Variants in IQGAP2 observed in about 807,000 individuals in gnomAD.
The protein encoded by IQGAP2 is IQ motif containing GTPase activating protein 2.
IQGAP2 carries 173 observed loss-of-function variants against 201.3 expected under a neutral mutation model. The observed-to-expected ratio is 0.86, with a 90% CI of 0.76 to 0.98. The LOEUF (loss-of-function observed/expected upper bound fraction) is 0.98, where lower values mean the gene tolerates loss of function less well. Ranked by LOEUF, IQGAP2 falls within the 50% of genes least tolerant of loss-of-function variation. IQGAP2 has a pLI of 0.00. For synonymous variants in IQGAP2, 675 were observed against 673.9 expected (o/e 1.00, Z -0.03); for missense variants, 1,687 against 1,864.8 (o/e 0.90, Z 1.76).
chr5:76,642,983 A>C (rs1035681103), intron 17 of IQGAP2, among the ~76,000 whole-genome samples: 1 of 152,220 alleles, frequency 6.6e-6, no homozygotes, highest in Non-Finnish European at 1.5e-5. Flanking sequence ...ATTTTTGAGC[A>C]GTTAGAAGTC....
At chr5:76,440,811 A>G (rs1752980579) in intron 1 of IQGAP2, among the ~76,000 whole-genome samples, 2 of 152,056 alleles carry the variant, frequency 1.3e-5, no homozygotes, top group African/African-American at 4.8e-5. Flanking sequence ...AGGCGGACGG[A>G]TCATGAAGTC....
intron 1 of IQGAP2, among the ~76,000 whole-genome samples, chr5:76,445,300 G>A (rs1307722770): frequency 6.6e-6 from 1 of 152,084 alleles, no homozygotes; most frequent in Non-Finnish European, 1.5e-5. Flanking sequence ...GAGTGACTCT[G>A]GACCAGGATA....
At chr5:76,503,982 C>T (rs1184964135) in intron 2 of IQGAP2, among the ~76,000 whole-genome samples, 2 of 152,158 alleles carry the variant, frequency 1.3e-5, no homozygotes, top group African/African-American at 4.8e-5. Flanking sequence ...CAGTATCTAC[C>T]TAGAATCTTG....
rs114149445 is a variant in IQGAP2, at chr5:76,625,137, C to T, written c.1522-2273C>T. 4.5e-3 allele frequency among the ~76,000 whole-genome samples: 679 copies of T among 152,300 alleles called. 6 individuals are homozygous for T. The highest frequency in any genetic ancestry group is 0.016 in the African/African-American group (645 of 41,570). Reference sequence around the variant, plus strand: ...TGGTTTTACATTTAACTCTAGTAATCGTTAGTTCAATGTTTCATAATTTAA... The same window carrying T: ...TGGTTTTACATTTAACTCTAGTAATTGTTAGTTCAATGTTTCATAATTTAA... On this transcript the variant is annotated intron_variant, in intron 13 of 35. Transcript: ENST00000274364.
intron 2 of IQGAP2, among the ~76,000 whole-genome samples, chr5:76,549,177 T>C (rs1743281552): frequency 6.6e-6 from 1 of 152,188 alleles, no homozygotes; most frequent in Admixed American, 6.5e-5. Context: ...TCTAGTGCTT[T>C]TCTCCTATTA....
At chr5:76,696,628 C>A (rs375941432) in intron 32 of IQGAP2, among the ~76,000 whole-genome samples, 2 of 151,924 alleles carry the variant, frequency 1.3e-5, no homozygotes, top group African/African-American at 4.8e-5. Context: ...ATGCGCTCAG[C>A]TTTGTTCTTT....
intron 28 of IQGAP2, among the ~76,000 whole-genome samples, chr5:76,681,284 A>G (rs1312555784): frequency 1.3e-5 from 2 of 152,194 alleles, no homozygotes; most frequent in Admixed American, 1.3e-4. Flanking sequence ...GAGTGAAAAG[A>G]TAATGTATGG....
At position 76,707,892 on chromosome 5, in the gene IQGAP2, C is replaced by T. The variant is rs931306232; in HGVS notation, c.*579C>T. The T allele has an allele frequency of 6.6e-6, 1 of 152,580 alleles. No homozygotes were observed. Among genetic ancestry groups the T allele is most frequent in the Non-Finnish European group, 1.5e-5 (1 of 68,072 alleles). The allele number at this position is 152,580 out of a possible 1,614,324, so 9.5% of individuals were successfully genotyped here. On this transcript the variant is annotated 3_prime_UTR_variant, in exon 36 of 36. Coordinates refer to ENST00000274364, the MANE Select transcript of IQGAP2 (RefSeq NM_006633.5). ...AGTATATATTTTATGTGATTTATTC[C>T]TACTAAATGAAAGTGCACTACTGCC...
chr5:76,443,264 C>G (rs1433490594), intron 1 of IQGAP2, among the ~76,000 whole-genome samples: 1 of 152,094 alleles, frequency 6.6e-6, no homozygotes, highest in African/African-American at 2.4e-5. Flanking sequence ...TAACAGTTCT[C>G]TGGTGTATGA....
chr5:76,403,935 G>T lies in IQGAP2; in HGVS notation c.46+344G>T, dbSNP rs1199231871. ...GTCCGCGGAGCTCCGGGTCGCCGCC[G>T]GCTTGGGCCAGGGGGTGGCGTAAGG... On this transcript the variant is annotated intron_variant, in intron 1 of 35. Coordinates refer to ENST00000274364, the MANE Select transcript of IQGAP2 (RefSeq NM_006633.5). The surrounding 1 kb of genome is among the most constrained non-coding windows in gnomAD (Gnocchi z 4.8). Among the ~76,000 whole-genome samples, 1 of 152,186 alleles carries T rather than the reference G, an allele frequency of 6.6e-6. No individual in the cohort carries two copies. Among genetic ancestry groups the T allele is most frequent in the Admixed American group, 6.5e-5 (1 of 15,290 alleles).
chr5:76,454,884 G>A (rs1426986097), intron 1 of IQGAP2, among the ~76,000 whole-genome samples: 6 of 152,118 alleles, frequency 3.9e-5, no homozygotes, highest in Admixed American at 3.9e-4. Context: ...TTCCACAATG[G>A]TTGAACTAGT....
At chr5:76,620,861 T>C (rs1749588614) in intron 13 of IQGAP2, among the ~76,000 whole-genome samples, 1 of 152,234 alleles carries the variant, frequency 6.6e-6, no homozygotes. Context: ...ATGCTATCAA[T>C]ATTTGGTGTT....
chr5:76,518,554 A>G (rs1283321506), intron 2 of IQGAP2, among the ~76,000 whole-genome samples: 1 of 152,204 alleles, frequency 6.6e-6, no homozygotes, highest in Non-Finnish European at 1.5e-5. Context: ...CAGCCAAACC[A>G]TATCAGGGAC....
chr5:76,539,626 GC>G (rs1194171182), intron 2 of IQGAP2, among the ~76,000 whole-genome samples: 1 of 152,172 alleles, frequency 6.6e-6, no homozygotes, highest in African/African-American at 2.4e-5. Flanking sequence ...CTAGAACCTT[GC>G]CCTCCCCATA....
At chr5:76,705,378 T>A (rs1346224305) in intron 35 of IQGAP2, among the ~76,000 whole-genome samples, 1 of 152,194 alleles carries the variant, frequency 6.6e-6, no homozygotes, top group Non-Finnish European at 1.5e-5. Flanking sequence ...TTCAGAGAAG[T>A]TATGTCATGT....
chr5:76,618,385 C>A (rs770076216), intron 13 of IQGAP2: 1 of 1,614,128 alleles, frequency 6.2e-7, no homozygotes, highest in Non-Finnish European at 8.5e-7. Flanking sequence ...GCCGGGACAC[C>A]AACTACAAAC....
intron 30 of IQGAP2, among the ~76,000 whole-genome samples, chr5:76,686,106 T>C (rs975124481): frequency 6.6e-6 from 1 of 152,230 alleles, no homozygotes. Flanking sequence ...TTATGTATTC[T>C]TTTTGGAGAA....
intron 8 of IQGAP2, among the ~76,000 whole-genome samples, chr5:76,590,941 TA>T (rs1437003889): frequency 1.4e-5 from 2 of 139,232 alleles, no homozygotes; most frequent in African/African-American, 5.3e-5. Flanking sequence ...AAAATAAAAA[TA>T]AAAAATTAGC....
chr5:76,555,217 T>C (rs1052761584), intron 2 of IQGAP2, among the ~76,000 whole-genome samples: 1 of 152,198 alleles, frequency 6.6e-6, no homozygotes, highest in Non-Finnish European at 1.5e-5. Context: ...AAATTGATAA[T>C]GATGATGGTC....
Sources: allele counts gnomAD v4.1 joint callset (sites outside exome capture counted in the v4.1 genomes callset), GRCh38; gene constraint gnomAD v4.1.1; non-coding constraint Gnocchi (gnomAD v3.1); transcripts MANE v1.5; gene names NCBI Gene and HGNC (gene_info 2026-07-23, HGNC 2026-07-21).